TEX9: variants seen among roughly 807,000 people sequenced by gnomAD.
The protein encoded by TEX9 is testis expressed 9, also known as testis-expressed protein 9.
Under a neutral mutation model 59.6 loss-of-function variants are expected in TEX9, and 74 were observed. The ratio of observed to expected loss-of-function variants is 1.24; its 90% confidence interval spans 1.03 to 1.51. The LOEUF is 1.51. TEX9 is among the 40% of genes most tolerant of loss of function. The pLI is 0.00. For synonymous variants in TEX9, 186 were observed against 152.2 expected, an observed-to-expected ratio of 1.22 and a Z score of -1.64; for missense variants, 522 against 447.8, an observed-to-expected ratio of 1.17 and a Z score of -1.49.
In TEX9 at chr15:56,413,696, ACT is replaced by A. The variant is rs1449165263; in HGVS notation, c.963+1264_963+1265del. On this transcript the variant is annotated intron_variant, in intron 10 of 12. Transcript: ENST00000352903. ...ATTTCACTTAACATAATGTTAAGTG[ACT>A]CTCATAATTAAAACAATATTTAATA... is the stretch of plus-strand genomic sequence containing the variant. Among the ~76,000 whole-genome samples, 18 of 151,234 alleles carry A rather than the reference ACT, an allele frequency of 1.2e-4. 1 individual carries two copies. Among genetic ancestry groups the A allele is most frequent in the African/African-American group, 4.4e-4 (18 of 40,740 alleles).
chr15:56,423,122 T>C (rs1336772324), intron 10 of TEX9, among the ~76,000 whole-genome samples: 1 of 152,194 alleles, frequency 6.6e-6, no homozygotes, highest in Non-Finnish European at 1.5e-5. Flanking sequence ...TATACAGATA[T>C]CAATGTCTCC....
At chr15:56,304,364 T>C (rs1241029189) in intron 1 of TEX9, among the ~76,000 whole-genome samples, 1 of 152,248 alleles carries the variant, frequency 6.6e-6, no homozygotes, top group Admixed American at 6.5e-5. Flanking sequence ...CCATTTAGTA[T>C]GATACTAGCT....
At chr15:56,342,409 T>C (rs2046389134) in intron 1 of TEX9, among the ~76,000 whole-genome samples, 1 of 152,118 alleles carries the variant, frequency 6.6e-6, no homozygotes, top group Admixed American at 6.6e-5. Context: ...AATCAAAACT[T>C]AAGAATAGTT....
intron 10 of TEX9, among the ~76,000 whole-genome samples, chr15:56,422,785 C>T (rs1477389281): frequency 1.3e-5 from 2 of 152,026 alleles, no homozygotes; most frequent in Non-Finnish European, 2.9e-5. Flanking sequence ...CTGAAACTCT[C>T]TACCAATTAA....
chr15:56,405,167 G>A (rs2049013337), intron 9 of TEX9, among the ~76,000 whole-genome samples: 1 of 152,208 alleles, frequency 6.6e-6, no homozygotes, highest in East Asian at 1.9e-4. Context: ...AGCCGGGCGT[G>A]GTGGTGGGCG....
intron 1 of TEX9, among the ~76,000 whole-genome samples, chr15:56,348,744 G>T (rs904714966): frequency 6.6e-6 from 1 of 151,948 alleles, no homozygotes; most frequent in Non-Finnish European, 1.5e-5. Context: ...ATACTGCTTG[G>T]TGTTCACTTA....
intron 1 of TEX9, among the ~76,000 whole-genome samples, chr15:56,352,074 A>C (rs963241011): frequency 6.6e-6 from 1 of 152,234 alleles, no homozygotes; most frequent in African/African-American, 2.4e-5. Context: ...AAGTGAGCTT[A>C]AAGCTATTCT....
chr15:56,267,904 T>G (rs972368198), intron 1 of TEX9, among the ~76,000 whole-genome samples: 4 of 152,242 alleles, frequency 2.6e-5, no homozygotes, highest in African/African-American at 9.6e-5. Context: ...ATTGAATCTA[T>G]AAATTACCTT....
Position 56,339,954 on chromosome 15 carries a change from C to T in TEX9, c.-106-33487C>T, listed in dbSNP as rs945403816. Among the ~76,000 whole-genome samples the T allele has an allele frequency of 2.0e-5, 3 of 152,112 alleles. No homozygotes were observed. The South Asian group carries it at 6.2e-4, about 32-fold the overall frequency. Reference sequence around the variant, plus strand: ...TCATTTCTGTTGTTTATAAGACACTCAGTCTGTGGTATTTTGTTATAGCAG... The same window carrying T: ...TCATTTCTGTTGTTTATAAGACACTTAGTCTGTGGTATTTTGTTATAGCAG... On this transcript the variant is annotated intron_variant, in intron 1 of 5. Transcript: ENST00000560827.
intron 1 of TEX9, among the ~76,000 whole-genome samples, chr15:56,250,920 G>C (rs984327108): frequency 6.6e-6 from 1 of 152,224 alleles, no homozygotes; most frequent in Admixed American, 6.5e-5. Flanking sequence ...ATCCAGCTTA[G>C]AGTATGATTT....
intron 1 of TEX9, among the ~76,000 whole-genome samples, chr15:56,356,740 A>G (rs535581372): frequency 6.6e-6 from 1 of 152,164 alleles, no homozygotes; most frequent in Non-Finnish European, 1.5e-5. Flanking sequence ...GCTTATTGTG[A>G]TAATTAAAGA....
At chr15:56,444,699 T>G in intron 12 of TEX9, 1 of 1,575,876 alleles carries the variant, frequency 6.3e-7, no homozygotes, top group Non-Finnish European at 8.7e-7. Flanking sequence ...AATTGATCTT[T>G]CCGTTTTCAA....
intron 4 of TEX9, among the ~76,000 whole-genome samples, chr15:56,386,194 C>A (rs567243014): frequency 6.6e-6 from 1 of 151,958 alleles, no homozygotes; most frequent in Non-Finnish European, 1.5e-5. Context: ...CGTCCATAAT[C>A]TATGTTTTCA....
chr15:56,373,827 CT>C (rs2047304138), intron 3 of TEX9, among the ~76,000 whole-genome samples: 1 of 152,044 alleles, frequency 6.6e-6, no homozygotes, highest in Admixed American at 6.5e-5. Flanking sequence ...TACTTTAAAA[CT>C]TTTATCAGTT....
At position 56,394,160 on chromosome 15, in the gene TEX9, C is replaced by G; in HGVS notation, c.572-5C>G. ...GACAGTAAATATAATTATTTAAATT[C>G]ACAGAAGCACAGATCAGATTTCTAA... On this transcript the variant is annotated splice_region_variant and splice_polypyrimidine_tract_variant and intron_variant, in intron 7 of 12. Coordinates refer to ENST00000352903, the Ensembl canonical transcript of TEX9. 1 of 1,603,272 alleles carries G rather than the reference C, an allele frequency of 6.2e-7. No individual in the cohort carries two copies. The highest frequency in any genetic ancestry group is 1.7e-4 in the Middle Eastern group (1 of 6,010).
At chr15:56,322,539 G>T (rs1207113115) in intron 1 of TEX9, among the ~76,000 whole-genome samples, 1 of 152,076 alleles carries the variant, frequency 6.6e-6, no homozygotes, top group East Asian at 1.9e-4. Context: ...TATTACCTCA[G>T]GATTCCTTAT....
intron 1 of TEX9, among the ~76,000 whole-genome samples, chr15:56,283,096 A>G (rs2044859572): frequency 6.6e-6 from 1 of 151,686 alleles, no homozygotes; most frequent in African/African-American, 2.4e-5. Context: ...ATACACATAC[A>G]TAACATTTCT....
chr15:56,315,920 C>A lies in TEX9; in HGVS notation c.-106-57521C>A, dbSNP rs1181704024. Among the ~76,000 whole-genome samples the A allele has an allele frequency of 1.3e-5, 2 of 151,616 alleles. 1 individual carries two copies. The highest frequency in any genetic ancestry group is 4.8e-5 in the African/African-American group (2 of 41,482). On this transcript the variant is annotated intron_variant, in intron 1 of 5. Transcript: ENST00000560827. Reference sequence around the variant, plus strand: ...TTCATTTCATCTTCCATCGCTGATACCCTTTCTTCCAGTTGATCGCGTCGG... The same window carrying A: ...TTCATTTCATCTTCCATCGCTGATAACCTTTCTTCCAGTTGATCGCGTCGG...
At chr15:56,289,652 G>A (rs1395619223) in intron 1 of TEX9, among the ~76,000 whole-genome samples, 2 of 152,208 alleles carry the variant, frequency 1.3e-5, no homozygotes, top group Non-Finnish European at 2.9e-5. Flanking sequence ...TGGCTGAGGG[G>A]GTTTCTCTTG....
Sources: allele counts gnomAD v4.1 joint callset (sites outside exome capture counted in the v4.1 genomes callset), GRCh38; gene constraint gnomAD v4.1.1; transcripts MANE v1.5; gene names NCBI Gene and HGNC (gene_info 2026-07-23, HGNC 2026-07-21).